The following MCM3AP variants were observed in gnomAD, a reference collection of about 807,000 sequenced individuals.
MCM3AP encodes the protein minichromosome maintenance complex component 3 associated protein, also known as germinal-center associated nuclear protein.
MCM3AP carries 126 observed loss-of-function variants against 184.1 expected under a neutral mutation model. The ratio of observed to expected loss-of-function variants is 0.68; its 90% CI spans 0.59 to 0.79. The LOEUF (loss-of-function observed/expected upper bound fraction) is 0.79, where lower values mean the gene tolerates loss of function less well. Among genes scored for constraint, MCM3AP ranks in the 30% least tolerant of loss-of-function variants. The pLI, the probability that MCM3AP is intolerant of heterozygous loss-of-function variation, is 0.00. For synonymous variants in MCM3AP, 1,002 were observed against 979.3 expected (o/e 1.02, Z -0.43); for missense variants, 2,496 against 2,479.2 (o/e 1.01, Z -0.14).
At chr21:46,259,289 A>G (rs2081005381) in intron 15 of MCM3AP, 198 bp from the exon 16 acceptor site, 1 of 420,528 alleles carries the variant, frequency 2.4e-6, no homozygotes, top group East Asian at 4.6e-5. Flanking sequence ...CCCTGTCTCT[A>G]CTAAAAATAC....
intron 10 of MCM3AP, chr21:46,266,663 TG>T (rs2081116453): frequency 3.0e-6 from 1 of 333,214 alleles, no homozygotes; most frequent in Non-Finnish European, 5.6e-6. Flanking sequence ...CGTCAGAGGT[TG>T]TCCGTCATTG....
intron 23 of MCM3AP, 51 bp downstream of exon 23, chr21:46,244,756 C>T (rs1315763207): frequency 6.5e-7 from 1 of 1,549,066 alleles, no homozygotes; most frequent in Non-Finnish European, 8.7e-7. Context: ...AGAAGGAAGC[C>T]TGAGACTTGG....
At chr21:46,258,020 G>A (rs1483851399) in intron 16 of MCM3AP, among the ~76,000 whole-genome samples, 1 of 151,936 alleles carries the variant, frequency 6.6e-6, no homozygotes, top group Non-Finnish European at 1.5e-5. Flanking sequence ...AAGACCACTG[G>A]CAACGGGGAC....
intron 3 of MCM3AP, 50 bp from the exon 4 acceptor site, chr21:46,280,187 G>A (rs1452814552): frequency 6.3e-7 from 1 of 1,584,640 alleles, no homozygotes; most frequent in South Asian, 1.1e-5. Context: ...AGATCACCTG[G>A]AACTGGATTT....
Position 46,285,413 on chromosome 21 carries a change from G to A in MCM3AP, c.-127C>T, listed in dbSNP as rs890088789. The A allele has an allele frequency of 2.1e-5, 14 of 663,892 alleles. No individual in the cohort carries two copies. The highest frequency in any genetic ancestry group is 1.6e-4 in the South Asian group (9 of 54,780). 41.1% of individuals were successfully genotyped at this position (663,892 alleles called of 1,614,324 possible). A position where few individuals can be genotyped will look rare whatever the true frequency, so the allele number is the denominator to read the frequency against. ...GAACAAGCTGAAAGAGAAAAATTCA[G>A]ATCATCATAGCTATGTTCTGCTACA... On this transcript the variant is annotated 5_prime_UTR_variant, in exon 1 of 28. Transcript: ENST00000291688.
chr21:46,278,265 A>G (rs2081280236), intron 4 of MCM3AP, among the ~76,000 whole-genome samples: 1 of 152,222 alleles, frequency 6.6e-6, no homozygotes, highest in African/African-American at 2.4e-5. Flanking sequence ...CTTTAATATC[A>G]TAAGGAAATA....
chr21:46,263,054 G>A (rs892752105), intron 13 of MCM3AP, among the ~76,000 whole-genome samples: 11 of 151,128 alleles, frequency 7.3e-5, no homozygotes, highest in African/African-American at 2.7e-4. Context: ...ACAAGGCCAG[G>A]TGCGGTGGCT....
Position 46,235,285 on chromosome 21 carries a change from C to T in MCM3AP, c.5926G>A (p.Asp1976Asn), listed in dbSNP as rs1220310978. Residue 1976 changes from aspartate (D) to asparagine (N), a missense_variant, in exon 28 of 28, where the codon GAC (aspartate) becomes AAC (asparagine). By Grantham distance (23) the Asp-to-Asn change is conservative. Around this residue, in one of 5 missense-constraint regions of MCM3AP, gnomAD observed 1,323 missense variants for 1,273.4 expected, o/e 1.04. Coordinates refer to ENST00000291688, the MANE Select transcript of MCM3AP (RefSeq NM_003906.5). ...ASELHLSALL[D>N]MVDI ...CAGGCTGCTCAAATGTCCACCATGT[C>T]TAGCAGCGCAGAGAGATGGAGCTCA... 3.7e-6 allele frequency: 6 copies of T among 1,614,090 alleles called. No homozygotes were observed. In the East Asian group the frequency reaches 6.7e-5, roughly 18 times the overall value.
chr21:46,285,557 G>A lies in MCM3AP; in HGVS notation c.-271C>T, dbSNP rs1024811647. ...TTATTTTGTTGGAGGGTGGGGTAGA[G>A]AGTGGTACAAATAATTACTTTGTTA... is the stretch of plus-strand genomic sequence containing the variant. On this transcript the variant is annotated 5_prime_UTR_variant, in exon 1 of 28. Coordinates refer to ENST00000291688, the MANE Select transcript of MCM3AP (RefSeq NM_003906.5). The A allele has an allele frequency of 2.4e-6, 1 of 416,874 alleles. No homozygotes were observed. Among genetic ancestry groups the A allele is most frequent in the East Asian group, 4.2e-5 (1 of 23,980 alleles). 25.8% of individuals were successfully genotyped at this position (416,874 alleles called of 1,614,324 possible). A position where few individuals can be genotyped will look rare whatever the true frequency, so the allele number is the denominator to read the frequency against.
chr21:46,254,240 T>TTA, intron 19 of MCM3AP, 152 bp downstream of exon 19: 1 of 792,562 alleles, frequency 1.3e-6, no homozygotes, highest in Non-Finnish European at 2.0e-6. Context: ...CTTAAAATCA[T>TTA]GAGCAAAACA....
At position 46,251,624 on chromosome 21, in the gene MCM3AP, T is replaced by G. The variant is rs776205891; in HGVS notation, c.4195A>C (p.Thr1399Pro). 1 of 1,605,562 alleles carries G rather than the reference T, an allele frequency of 6.2e-7. No individual in the cohort carries two copies. The highest frequency in any genetic ancestry group is 8.5e-7 in the Non-Finnish European group (1 of 1,172,314). Residue 1399 changes from threonine to proline, a missense_variant, in exon 20 of 28, where the codon ACA (threonine) becomes CCA (proline). Thr to Pro is a conservative substitution (Grantham distance 38). This residue lies in a region of MCM3AP where 1,323 missense variants were observed against 1,273.4 expected (regional missense o/e 1.04). Transcript: ENST00000291688. ...FMGDEGSVDD[T>P]SSDAGGIQTL... The stretch of plus-strand genomic sequence containing the variant: ...TGAATCCCACCAGCATCGCTGGATG[T>G]GTCATCCACTGAGCCTTCATCTCCC...
chr21:46,285,958 C>G (rs1461724657), upstream of MCM3AP: 1 of 152,456 alleles, frequency 6.6e-6, no homozygotes, highest in Non-Finnish European at 1.5e-5. Flanking sequence ...CCTAATCTTC[C>G]ACCCAGCACA....
chr21:46,278,003 T>TTAAAAAATTTTGCC (rs1569080021), intron 4 of MCM3AP, among the ~76,000 whole-genome samples: 1 of 152,084 alleles, frequency 6.6e-6, no homozygotes, highest in Non-Finnish European at 1.5e-5. Flanking sequence ...ATTTAAAAAT[T>TTAAAAAATTTTGCC]AGCCGGGCAT....
Position 46,246,792 on chromosome 21 carries a change from G to A in MCM3AP, c.4385C>T (p.Pro1462Leu), listed in dbSNP as rs368739095. The change falls in exon 21 of 28, where the codon CCC becomes CTC. Residue 1462 changes from proline to leucine, a missense_variant. Around this residue, in one of 5 missense-constraint regions of MCM3AP, gnomAD observed 1,323 missense variants for 1,273.4 expected, o/e 1.04. Transcript: ENST00000291688. ...TGCCATGTCCTCACTCTTCATTTTG[G>A]GGGGAAGCAGCAGCATGAGCCCACT... ...GASGLMLLLP[P>L]KMKSEDMAEE... 237 of 1,614,084 alleles carry A rather than the reference G, an allele frequency of 1.5e-4. 2 individuals are homozygous for A. The highest frequency in any genetic ancestry group is 9.9e-4 in the Middle Eastern group (6 of 6,084).
At chr21:46,272,061 G>A (rs187426435) in intron 8 of MCM3AP, among the ~76,000 whole-genome samples, 21 of 152,002 alleles carry the variant, frequency 1.4e-4, no homozygotes, top group African/African-American at 3.9e-4. Context: ...CAGAGAGCTC[G>A]CCAGACTTCG....
chr21:46,259,849 G>A (rs2081017613), intron 15 of MCM3AP, among the ~76,000 whole-genome samples: 2 of 149,840 alleles, frequency 1.3e-5, no homozygotes, highest in South Asian at 2.1e-4. Flanking sequence ...AGCTTGCAGT[G>A]AGCCGAGATG....
intron 24 of MCM3AP, 110 bp downstream of exon 24, chr21:46,243,355 A>C (rs2080705880): frequency 7.8e-7 from 1 of 1,290,296 alleles, no homozygotes. Context: ...GAAAGGAAGG[A>C]TAGAGACCCA....
At chr21:46,237,099 AAT>A in intron 26 of MCM3AP, 120 bp from the exon 27 acceptor site, 2 of 325,304 alleles carry the variant, frequency 6.1e-6, no homozygotes, top group Non-Finnish European at 4.7e-6. Flanking sequence ...AATTTTATAT[AAT>A]TTTTTTTTTT....
Position 46,245,018 on chromosome 21 carries a change from A to T in MCM3AP, c.4827T>A (p.Ile1609=). 6.2e-7 allele frequency: 1 copy of T among 1,613,398 alleles called. No homozygotes were observed. The highest frequency in any genetic ancestry group is 1.1e-5 in the South Asian group (1 of 91,068). The change falls in exon 23 of 28, where the codon ATT becomes ATA. Residue 1609 remains isoleucine (I), a synonymous_variant. Transcript: ENST00000291688. The part of the protein sequence containing the change: ...GLASQEPGAI[I]ELFNSVLQFL... ...ACTGCAGCACACTGTTAAACAGCTC[A>T]ATGATGGCGCCAGGCTCCTGAGAAG...
Sources: gnomAD v4.1 joint callset for allele counts (sites outside exome capture counted in the v4.1 genomes callset) on GRCh38, gnomAD v4.1.1 for gene constraint, gnomAD v4.1.1 regional missense constraint, MANE v1.5 for transcripts, NCBI Gene and HGNC (gene_info 2026-07-23, HGNC 2026-07-21) for gene names.